ORC1: variants seen among roughly 807,000 people sequenced by gnomAD.
ORC1 encodes origin recognition complex subunit 1.
A neutral mutation model predicts 98.9 loss-of-function variants in ORC1; 61 were observed. The observed-to-expected ratio is 0.62, with a 90% CI of 0.50 to 0.76. ORC1 has a LOEUF of 0.76. Among genes scored for constraint, ORC1 ranks in the 30% least tolerant of loss-of-function variants. The probability of loss-of-function intolerance (pLI) is 0.00; values close to 1 mark genes in which losing one functional copy is unlikely to be tolerated. For missense variants in ORC1, 979 were observed against 1,072.2 expected (o/e 0.91, Z 1.21); for synonymous variants, 385 against 406.9 (o/e 0.95, Z 0.65).
chr1:52,376,642 A>G (rs1170083834), intron 14 of ORC1, among the ~76,000 whole-genome samples: 1 of 151,920 alleles, frequency 6.6e-6, no homozygotes, highest in African/African-American at 2.4e-5. Context: ...CTCCCCTCCC[A>G]TTACCACCTG....
Position 52,381,702 on chromosome 1 carries a change from C to T in ORC1, c.2073G>A (p.Arg691=), listed in dbSNP as rs1429061735. ...AGGCCTTTAGATGCTTGAGCCGGGACCTTAGGATCTGCTGCAGCTGGCTAT... is the reference window on the plus strand; with the variant it reads ...AGGCCTTTAGATGCTTGAGCCGGGATCTTAGGATCTGCTGCAGCTGGCTAT... The part of the protein sequence containing the change: ...YTYSQLQQIL[R]SRLKHLKAFE... The change falls in exon 14 of 17, where the codon AGG becomes AGA. Residue 691 remains arginine (R), a synonymous_variant. Transcript: ENST00000371568. The T allele has an allele frequency of 3.1e-5, 50 of 1,613,402 alleles. No homozygotes were observed. Among genetic ancestry groups the T allele is most frequent in the Non-Finnish European group, 4.2e-5 (50 of 1,179,806 alleles).
At position 52,396,216 on chromosome 1, in the gene ORC1, G is replaced by A. The variant is rs1647388872; in HGVS notation, c.551C>T (p.Ala184Val). Reference sequence around the variant, plus strand: ...GGCTCTCACGGGTTTCTGGCACTTGGCTGCACTCTCTTGTGGTTTATTCAA... The same window carrying A: ...GGCTCTCACGGGTTTCTGGCACTTGACTGCACTCTCTTGTGGTTTATTCAA... ...AELNKPQESA[A>V]KCQKPVRAKS... The change falls in exon 5 of 17, where the codon GCC becomes GTC. Residue 184 changes from alanine (A) to valine (V), a missense_variant. Transcript: ENST00000371568. 3.7e-6 allele frequency: 6 copies of A among 1,614,164 alleles called. No homozygotes were observed. Among genetic ancestry groups the A allele is most frequent in the Non-Finnish European group, 5.1e-6 (6 of 1,180,032 alleles).
chr1:52,385,560 C>T (rs1464518233), intron 9 of ORC1, among the ~76,000 whole-genome samples: 1 of 152,148 alleles, frequency 6.6e-6, no homozygotes, highest in Non-Finnish European at 1.5e-5. Flanking sequence ...TTCTAAAGGG[C>T]ATCAAAACAA....
At position 52,393,365 on chromosome 1, in the gene ORC1, A is replaced by C. The variant is rs1341096217; in HGVS notation, c.1082+78T>G. 4.4e-6 allele frequency: 7 copies of C among 1,597,032 alleles called. No homozygotes were observed. In the African/African-American group the frequency reaches 9.4e-5, roughly 21 times the overall value. On this transcript the variant is annotated intron_variant, in intron 6 of 16. Transcript: ENST00000371568. ...CATAGGTTTTTCAACTACTGTTCTA[A>C]CTTTTTTGACTATGACTCACATACT... is the stretch of plus-strand genomic sequence containing the variant.
At chr1:52,376,867 T>C (rs904563879) in intron 14 of ORC1, among the ~76,000 whole-genome samples, 2 of 152,042 alleles carry the variant, frequency 1.3e-5, no homozygotes, top group Admixed American at 6.6e-5. Context: ...ACATGGAACC[T>C]AACAGGACAT....
At chr1:52,405,713 G>A, upstream of ORC1, 1 of 1,613,846 alleles carries the variant, frequency 6.2e-7, no homozygotes, top group Non-Finnish European at 8.5e-7. Flanking sequence ...ATGGAGTTAA[G>A]GTTTGTGGGT....
chr1:52,397,656 G>A (rs1357091652), intron 4 of ORC1, 29 bp downstream of exon 4: 6 of 1,610,776 alleles, frequency 3.7e-6, no homozygotes, highest in Non-Finnish European at 4.2e-6. Context: ...AAGCTTCAAG[G>A]TAGAACCAAG....
upstream of ORC1, chr1:52,404,987 G>T: frequency 7.4e-7 from 1 of 1,356,754 alleles, no homozygotes; most frequent in Non-Finnish European, 1.0e-6. Context: ...CTGGAACGGA[G>T]TATGTCGATC....
At chr1:52,386,008 C>T (rs1647139032) in intron 8 of ORC1, 59 bp from the exon 9 acceptor site, 2 of 1,223,058 alleles carry the variant, frequency 1.6e-6, no homozygotes, top group Non-Finnish European at 2.4e-6. Flanking sequence ...ATCCAGGACA[C>T]ACCAGCAAAT....
At chr1:52,393,392 C>A (rs755884054) in intron 6 of ORC1, 51 bp downstream of exon 6, 1 of 1,611,140 alleles carries the variant, frequency 6.2e-7, no homozygotes, top group South Asian at 1.1e-5. Flanking sequence ...TCACATACTT[C>A]ACGTGATGTG....
chr1:52,373,372 A>G lies in ORC1; in HGVS notation c.2395T>C (p.Tyr799His), dbSNP rs1374280098. 9 of 1,613,316 alleles carry G rather than the reference A, an allele frequency of 5.6e-6. No individual in the cohort carries two copies. Among genetic ancestry groups the G allele is most frequent in the Non-Finnish European group, 7.6e-6 (9 of 1,179,352 alleles). Residue 799 changes from tyrosine (Y) to histidine (H), a missense_variant, in exon 17 of 17, where the codon TAT becomes CAT. Transcript: ENST00000371568. ...CTGCACAGTGCCACATGTTGACTATATATCTAGACACAAATAGCAAGGCAA... is the reference window on the plus strand; with the variant it reads ...CTGCACAGTGCCACATGTTGACTATGTATCTAGACACAAATAGCAAGGCAA... The part of the protein sequence containing the change: ...GLEEATFQQI[Y>H]SQHVALCRME...
chr1:52,404,942 C>T (rs917930619), upstream of ORC1: 12 of 1,588,344 alleles, frequency 7.6e-6, no homozygotes, highest in African/African-American at 1.2e-4. Flanking sequence ...TGACCGAGCG[C>T]GGGTAGGACT....
chr1:52,380,762 CTAGA>C (rs1201206064), intron 14 of ORC1, among the ~76,000 whole-genome samples: 6 of 151,574 alleles, frequency 4.0e-5, no homozygotes, highest in African/African-American at 1.5e-4. Context: ...CTTAGATAGT[CTAGA>C]TAGATAGCAT....
chr1:52,384,423 C>G (rs1389236908), intron 11 of ORC1, 127 bp downstream of exon 11: 1 of 874,484 alleles, frequency 1.1e-6, no homozygotes, highest in Non-Finnish European at 1.9e-6. Context: ...CCCTTGCTAC[C>G]TCTACAGAAA....
chr1:52,375,526 G>A lies in ORC1; in HGVS notation c.2207C>T (p.Ser736Phe), dbSNP rs149511676. The A allele has an allele frequency of 5.6e-6, 9 of 1,614,136 alleles. No individual in the cohort carries two copies. The highest frequency in any genetic ancestry group is 7.6e-6 in the Non-Finnish European group (9 of 1,179,994). ...CRRATEICEF[S>F]QQKPDSPGLV... ...GCCAGGGGAGTCAGGCTTCTGCTGG[G>A]AGAACTCACAGATCTCTGTGGCACG... Residue 736 changes from serine to phenylalanine, a missense_variant, in exon 15 of 17, where the codon TCC becomes TTC. Transcript: ENST00000371568.
intron 16 of ORC1, 123 bp from the exon 17 acceptor site, chr1:52,373,498 G>A (rs189049063): frequency 3.7e-6 from 3 of 803,198 alleles, no homozygotes; most frequent in Non-Finnish European, 6.2e-6. Context: ...CACTCCAGAA[G>A]GCATCAGTTG....
upstream of ORC1, chr1:52,404,945 G>T: frequency 6.3e-7 from 1 of 1,583,042 alleles, no homozygotes; most frequent in South Asian, 1.1e-5. Context: ...CCGAGCGCGG[G>T]TAGGACTAGC....
chr1:52,388,528 T>C lies in ORC1; in HGVS notation c.1297A>G (p.Arg433Gly), dbSNP rs773092799. 8.1e-6 allele frequency: 13 copies of C among 1,614,062 alleles called. No individual in the cohort carries two copies. The East Asian group carries it at 2.9e-4, about 36-fold the overall frequency. The change falls in exon 8 of 17, where the codon AGG becomes GGG. Residue 433 changes from arginine (R) to glycine (G), a missense_variant. Transcript: ENST00000371568. ...CTGGACACAGTTCTGGGTGCTCTCC[T>C]TGGAAGGGGCGGTGTGGAAGCCTCT... is the stretch of plus-strand genomic sequence containing the variant. ...EEEASTPPLP[R>G]RAPRTVSRNL... is the part of the protein sequence containing the mutation.
In ORC1 at chr1:52,388,558, C is replaced by T. The variant is rs758583045; in HGVS notation, c.1267G>A (p.Glu423Lys). The T allele has an allele frequency of 2.2e-5, 35 of 1,613,970 alleles. No individual in the cohort carries two copies. The highest frequency in any genetic ancestry group is 5.0e-5 in the Admixed American group (3 of 60,000). Residue 423 changes from glutamate (E) to lysine (K), a missense_variant, in exon 8 of 17, where the codon GAA becomes AAA. Glu to Lys is a moderately conservative substitution (Grantham distance 56). Coordinates refer to ENST00000371568, the MANE Select transcript of ORC1 (RefSeq NM_004153.4). ...AGGGGCGGTGTGGAAGCCTCTTCTT[C>T]GTCACTGCTAGAGTCTGAAATCTCT... ...AAEISDSSSD[E>K]EEASTPPLPR...
Sources: allele counts gnomAD v4.1 joint callset (sites outside exome capture counted in the v4.1 genomes callset), GRCh38; gene constraint gnomAD v4.1.1; transcripts MANE v1.5; gene names NCBI Gene and HGNC (gene_info 2026-07-23, HGNC 2026-07-21).